KIAA1549L: variants seen among roughly 807,000 people sequenced by gnomAD.
The protein encoded by KIAA1549L is UPF0606 protein KIAA1549L.
In KIAA1549L, 88 loss-of-function variants were observed where a neutral mutation model predicts 160.7. The ratio of observed to expected loss-of-function variants is 0.55; its 90% confidence interval spans 0.46 to 0.65. KIAA1549L has a LOEUF of 0.65. Ranked by LOEUF, KIAA1549L falls within the 30% of genes least tolerant of loss-of-function variation. KIAA1549L has a pLI of 0.00. For missense variants in KIAA1549L, 2,258 were observed against 2,437.5 expected (o/e 0.93, Z 1.55); for synonymous variants, 950 against 976.7 (o/e 0.97, Z 0.51).
At chr11:33,439,945 C>A (rs1433857327) in intron 1 of KIAA1549L, among the ~76,000 whole-genome samples, 2 of 151,872 alleles carry the variant, frequency 1.3e-5, no homozygotes, top group African/African-American at 2.4e-5. Context: ...TTCTGAGAGT[C>A]TTTGCCTTTT....
At chr11:33,630,949 AT>A (rs1851269398) in intron 16 of KIAA1549L, among the ~76,000 whole-genome samples, 1 of 152,180 alleles carries the variant, frequency 6.6e-6, no homozygotes, top group Non-Finnish European at 1.5e-5. Flanking sequence ...AGATGTATTA[AT>A]TTTCGTGCAT....
At chr11:33,493,848 A>G (rs530140010) in intron 1 of KIAA1549L, among the ~76,000 whole-genome samples, 2 of 152,330 alleles carry the variant, frequency 1.3e-5, no homozygotes, top group East Asian at 3.9e-4. Flanking sequence ...CTGGAATTTT[A>G]GCTTGATCAT....
At position 33,520,676 on chromosome 11, in the gene KIAA1549L, CCA is replaced by C. The variant is rs1241350218; in HGVS notation, c.239-21124_239-21123del. On this transcript the variant is annotated intron_variant, in intron 1 of 20. Transcript: ENST00000658780. ...AAGGCAATTGGTGGACATACACCCC[CCA>C]CCCCCAACACACACACACACACACA... 8.9e-3 allele frequency among the ~76,000 whole-genome samples: 1,244 copies of C among 140,442 alleles called. 78 individuals carry two copies. Among genetic ancestry groups the C allele is most frequent in the African/African-American group, 0.034 (1,186 of 34,414 alleles). 92.1% of individuals were successfully genotyped at this position (140,442 alleles called of 152,430 possible).
chr11:33,545,145 G>A lies in KIAA1549L; in HGVS notation c.3152G>A (p.Gly1051Asp). 6.2e-7 allele frequency: 1 copy of A among 1,613,918 alleles called. No individual in the cohort carries two copies. The highest frequency in any genetic ancestry group is 8.5e-7 in the Non-Finnish European group (1 of 1,179,862). The change falls in exon 3 of 21, where the codon GGC becomes GAC. Residue 1051 changes from glycine to aspartate, a missense_variant. Gly to Asp is a moderately conservative substitution (Grantham distance 94). Around this residue, in one of 6 missense-constraint regions of KIAA1549L, gnomAD observed 1,359 missense variants for 1,546.6 expected, o/e 0.88. Coordinates refer to ENST00000658780, the MANE Select transcript of KIAA1549L (RefSeq NM_012194.3). ...AGGAAACCACAAGCCATGCACACCGGCCTCCCAAACCCCACCAACCTGGAG... is the reference window on the plus strand; with the variant it reads ...AGGAAACCACAAGCCATGCACACCGACCTCCCAAACCCCACCAACCTGGAG... ...LPRKPQAMHT[G>D]LPNPTNLEMP...
chr11:33,459,699 T>C (rs2615912), intron 1 of KIAA1549L, among the ~76,000 whole-genome samples: 56,487 of 151,590 alleles, frequency 0.37, 11,957 homozygotes, highest in South Asian at 0.46. Context: ...CGGTGGCTCA[T>C]GCCTGTAATC....
At chr11:33,452,334 A>G (rs189097415) in intron 1 of KIAA1549L, among the ~76,000 whole-genome samples, 10 of 152,336 alleles carry the variant, frequency 6.6e-5, no homozygotes, top group Admixed American at 3.3e-4. Flanking sequence ...GAGGCCAGGC[A>G]TGGTGGCTCA....
intron 3 of KIAA1549L, 30 bp downstream of exon 3, chr11:33,545,408 A>G (rs368759721): frequency 6.3e-4 from 986 of 1,577,254 alleles, no homozygotes; most frequent in Admixed American, 9.3e-4. Flanking sequence ...ATCTGAAAGC[A>G]GCAAGCCTGG....
At position 33,636,637 on chromosome 11, in the gene KIAA1549L, G is replaced by A. The variant is rs114080314; in HGVS notation, c.5410-9049G>A. ...TGAACCACCACGCCCAGCCAAGAAC[G>A]AATCTTCTACCCATGAAATTGTGAA... On this transcript the variant is annotated intron_variant, in intron 16 of 20. Transcript: ENST00000658780. 1.2e-3 allele frequency among the ~76,000 whole-genome samples: 184 copies of A among 152,188 alleles called. 1 individual carries two copies. Among genetic ancestry groups the A allele is most frequent in the African/African-American group, 4.2e-3 (175 of 41,530 alleles).
chr11:33,592,131 T>C (rs1850073543), intron 12 of KIAA1549L, among the ~76,000 whole-genome samples: 1 of 152,152 alleles, frequency 6.6e-6, no homozygotes, highest in South Asian at 2.1e-4. Context: ...ACAGGTTTGT[T>C]CTCTAAATGG....
At chr11:33,570,636 C>A (rs1251027244) in intron 9 of KIAA1549L, among the ~76,000 whole-genome samples, 1 of 152,128 alleles carries the variant, frequency 6.6e-6, no homozygotes. Flanking sequence ...TACCCTGAGG[C>A]CTTTCTTCTA....
intron 14 of KIAA1549L, 48 bp downstream of exon 14, chr11:33,606,870 G>GAA: frequency 6.7e-7 from 1 of 1,498,500 alleles, no homozygotes; most frequent in Non-Finnish European, 9.0e-7. Context: ...CCAGACTTGG[G>GAA]AAATTCGGAC....
intron 16 of KIAA1549L, among the ~76,000 whole-genome samples, chr11:33,640,596 T>C (rs1354155967): frequency 6.6e-6 from 1 of 152,234 alleles, no homozygotes; most frequent in African/African-American, 2.4e-5. Flanking sequence ...TTGGCAGTGC[T>C]TTAGCATTCA....
intron 9 of KIAA1549L, among the ~76,000 whole-genome samples, chr11:33,574,221 A>G (rs1590357815): frequency 6.8e-6 from 1 of 147,528 alleles, no homozygotes; most frequent in South Asian, 2.1e-4. Context: ...AAAAAAAAAA[A>G]GCAAAACCGT....
Position 33,668,104 on chromosome 11 carries a change from G to A in KIAA1549L, c.6391G>A (p.Val2131Met), listed in dbSNP as rs778181789. Residue 2131 changes from valine (V) to methionine (M), a missense_variant, in exon 21 of 21, where the codon GTG (valine) becomes ATG (methionine). Coordinates refer to ENST00000658780, the MANE Select transcript of KIAA1549L (RefSeq NM_012194.3). ...AALVKAIREE[V>M]AKLAKKQTDM... ...CCTTGTGAAGGCCATCCGGGAGGAG[G>A]TGGCCAAGCTGGCCAAAAAACAGAC... The A allele has an allele frequency of 5.0e-6, 8 of 1,613,890 alleles. No homozygotes were observed. Among genetic ancestry groups the A allele is most frequent in the Non-Finnish European group, 6.8e-6 (8 of 1,179,902 alleles).
intron 8 of KIAA1549L, among the ~76,000 whole-genome samples, chr11:33,566,283 T>C (rs1855047304): frequency 6.6e-6 from 1 of 152,124 alleles, no homozygotes; most frequent in African/African-American, 2.4e-5. Context: ...TCTTGGCCAG[T>C]GGTCAGGAGA....
chr11:33,472,395 A>C (rs1048720138), intron 1 of KIAA1549L, among the ~76,000 whole-genome samples: 1 of 151,474 alleles, frequency 6.6e-6, no homozygotes, highest in African/African-American at 2.4e-5. Context: ...CACTAGGATA[A>C]CATGTGTGAG....
intron 12 of KIAA1549L, 115 bp from the exon 13 acceptor site, chr11:33,598,705 C>T (rs557257345): frequency 1.6e-6 from 2 of 1,241,100 alleles, no homozygotes; most frequent in East Asian, 2.4e-5. Context: ...TCCTCTTTGT[C>T]CATTAAACTG....
chr11:33,469,025 T>C (rs1852120488), intron 1 of KIAA1549L, among the ~76,000 whole-genome samples: 1 of 152,214 alleles, frequency 6.6e-6, no homozygotes, highest in Admixed American at 6.5e-5. Flanking sequence ...TTTTGTTTCT[T>C]TCATGACTTT....
Position 33,645,840 on chromosome 11 carries a change from TGGA to T in KIAA1549L, c.5570_5572del (p.Glu1857del). The T allele has an allele frequency of 6.2e-7, 1 of 1,613,892 alleles. No individual in the cohort carries two copies. The highest frequency in any genetic ancestry group is 8.5e-7 in the Non-Finnish European group (1 of 1,179,886). On this transcript the variant is annotated inframe_deletion, in exon 17 of 21. Transcript: ENST00000658780. ...GTCAGGCAGCAGATGCACATGCTGC[TGGA>T]GGAGGCCTTCAGCCTGGCATCCGCG...
Sources: allele counts gnomAD v4.1 joint callset (sites outside exome capture counted in the v4.1 genomes callset), GRCh38; gene constraint gnomAD v4.1.1; regional missense constraint gnomAD v4.1.1; transcripts MANE v1.5; gene names NCBI Gene and HGNC (gene_info 2026-07-23, HGNC 2026-07-21).